Variants in NR3C2 observed in about 807,000 individuals in gnomAD.
NR3C2 encodes the protein mineralocorticoid receptor.
A neutral mutation model predicts 86.4 loss-of-function variants in NR3C2; 15 were observed. The observed-to-expected ratio is 0.17, with a 90% CI of 0.12 to 0.27. NR3C2 has a LOEUF of 0.27. Ranked by LOEUF, NR3C2 falls within the 10% of genes least tolerant of loss-of-function variation. NR3C2 has a pLI of 1.00. For synonymous variants in NR3C2, 458 were observed against 450.5 expected (o/e 1.02, Z -0.21); for missense variants, 960 against 1,195.6 (o/e 0.80, Z 2.91).
At chr4:148,208,007 G>C (rs1737093323) in intron 3 of NR3C2, 1 of 152,208 alleles carries the variant, frequency 6.6e-6, no homozygotes, top group African/African-American at 2.4e-5. Flanking sequence ...GGTTGACACT[G>C]TGGGGACCTG....
At chr4:148,081,538 C>G (rs2149701854) in intron 8 of NR3C2, 39 bp from the exon 9 acceptor site, 1 of 1,613,440 alleles carries the variant, frequency 6.2e-7, no homozygotes, top group South Asian at 1.1e-5. Context: ...CGGGGGCCTC[C>G]TTTCCGACCC....
chr4:148,310,844 G>A (rs929280828), intron 2 of NR3C2, among the ~76,000 whole-genome samples: 2 of 152,008 alleles, frequency 1.3e-5, no homozygotes, highest in East Asian at 3.9e-4. Flanking sequence ...TCAAAACCAC[G>A]GACAGAATTC....
chr4:148,217,104 A>C (rs2149822689), intron 3 of NR3C2, among the ~76,000 whole-genome samples: 1 of 152,358 alleles, frequency 6.6e-6, no homozygotes, highest in Middle Eastern at 3.4e-3. Context: ...TTAACAGAAT[A>C]AGCATAGATA....
intron 6 of NR3C2, among the ~76,000 whole-genome samples, chr4:148,125,920 G>C (rs1171924419): frequency 6.6e-6 from 1 of 152,218 alleles, no homozygotes; most frequent in South Asian, 2.1e-4. Context: ...ATTAGATATT[G>C]CATTTAGGAA....
At chr4:148,373,586 A>G (rs1746527113) in intron 2 of NR3C2, among the ~76,000 whole-genome samples, 1 of 149,704 alleles carries the variant, frequency 6.7e-6, no homozygotes, top group Non-Finnish European at 1.5e-5. Flanking sequence ...GCGATTATCC[A>G]GCCTCAGCCT....
At chr4:148,277,095 T>G (rs1400148741) in intron 2 of NR3C2, among the ~76,000 whole-genome samples, 2 of 152,160 alleles carry the variant, frequency 1.3e-5, no homozygotes, top group Non-Finnish European at 2.9e-5. Context: ...TCTTTAAAAA[T>G]AAAATATTTT....
intron 3 of NR3C2, among the ~76,000 whole-genome samples, chr4:148,236,284 A>G (rs1738747099): frequency 1.3e-5 from 2 of 152,184 alleles, no homozygotes; most frequent in Non-Finnish European, 2.9e-5. Context: ...GGCTTCTGGT[A>G]TGTTTCTATA....
At chr4:148,406,645 G>T (rs778424692) in intron 2 of NR3C2, among the ~76,000 whole-genome samples, 1 of 152,148 alleles carries the variant, frequency 6.6e-6, no homozygotes, top group Non-Finnish European at 1.5e-5. Context: ...TACAAGTCTG[G>T]TCTTTTTATC....
intron 3 of NR3C2, among the ~76,000 whole-genome samples, chr4:148,237,207 C>T (rs547004810): frequency 2.6e-5 from 4 of 152,214 alleles, no homozygotes; most frequent in African/African-American, 9.6e-5. Flanking sequence ...GAAGACATAC[C>T]ATCATTTGCA....
At chr4:148,273,255 G>A (rs1455508910) in intron 2 of NR3C2, among the ~76,000 whole-genome samples, 10 of 152,212 alleles carry the variant, frequency 6.6e-5, no homozygotes, top group South Asian at 4.1e-4. Context: ...TTATATCTTC[G>A]TCTATTAAAA....
intron 4 of NR3C2, among the ~76,000 whole-genome samples, chr4:148,172,838 G>A (rs2149785290): frequency 6.6e-6 from 1 of 152,302 alleles, no homozygotes; most frequent in Non-Finnish European, 1.5e-5. Context: ...GGCTCTGGAA[G>A]CACAGAGAAG....
intron 3 of NR3C2, among the ~76,000 whole-genome samples, chr4:148,244,560 A>G (rs1481465643): frequency 1.3e-5 from 2 of 152,250 alleles, no homozygotes; most frequent in Non-Finnish European, 2.9e-5. Context: ...ACGACTGTGC[A>G]TAAGGAAAGG....
At position 148,436,762 on chromosome 4, in the gene NR3C2, A is replaced by G. The variant is rs763523457; in HGVS notation, c.99T>C (p.Pro33=). ...SQAVERSSLG[P]TERTDENNYM... ...AGTTATTCTCATCGGTCCTCTCTGT[A>G]GGTCCCAGGGAAGAACGCTCCACAG... Residue 33 remains proline, a synonymous_variant, in exon 2 of 9, where the codon CCT becomes CCC. Transcript: ENST00000358102. 2.4e-5 allele frequency: 39 copies of G among 1,613,944 alleles called. No individual in the cohort carries two copies. The highest frequency in any genetic ancestry group is 3.3e-5 in the Non-Finnish European group (39 of 1,179,980).
At chr4:148,380,450 T>G (rs1209233580) in intron 2 of NR3C2, among the ~76,000 whole-genome samples, 1 of 152,230 alleles carries the variant, frequency 6.6e-6, no homozygotes, top group African/African-American at 2.4e-5. Flanking sequence ...TGTGTGAACA[T>G]ATATTTTCAG....
At chr4:148,443,012 A>T, upstream of NR3C2, 2 of 983,354 alleles carry the variant, frequency 2.0e-6, no homozygotes, top group Non-Finnish European at 2.4e-6. Flanking sequence ...GCGCGCGGGG[A>T]GGACTCTGGG....
At chr4:148,129,258 G>T (rs1206459027) in intron 6 of NR3C2, among the ~76,000 whole-genome samples, 1 of 152,146 alleles carries the variant, frequency 6.6e-6, no homozygotes, top group South Asian at 2.1e-4. Flanking sequence ...AATGGAATAC[G>T]CCTGTCAGAA....
At chr4:148,213,960 G>A (rs1188461211) in intron 3 of NR3C2, among the ~76,000 whole-genome samples, 1 of 152,156 alleles carries the variant, frequency 6.6e-6, no homozygotes, top group East Asian at 1.9e-4. Flanking sequence ...TGAAAAGAAA[G>A]TTTCACTTCT....
At chr4:148,211,534 A>C (rs1306141310) in intron 3 of NR3C2, among the ~76,000 whole-genome samples, 1 of 152,220 alleles carries the variant, frequency 6.6e-6, no homozygotes, top group Non-Finnish European at 1.5e-5. Flanking sequence ...ATATATTAGG[A>C]AAAAGCCTAC....
At chr4:148,333,923 T>C (rs1744355174) in intron 2 of NR3C2, among the ~76,000 whole-genome samples, 1 of 152,232 alleles carries the variant, frequency 6.6e-6, no homozygotes, top group South Asian at 2.1e-4. Flanking sequence ...ACAAAAACCA[T>C]GTTATTTCTA....
Sources: allele counts gnomAD v4.1 joint callset (sites outside exome capture counted in the v4.1 genomes callset), GRCh38; gene constraint gnomAD v4.1.1; transcripts MANE v1.5; gene names NCBI Gene and HGNC (gene_info 2026-07-23, HGNC 2026-07-21).